Variants in PPP2R2C observed in about 807,000 individuals in gnomAD.
PPP2R2C encodes the protein protein phosphatase 2, regulatory subunit B, gamma.
A neutral mutation model predicts 45.3 loss-of-function variants in PPP2R2C; 10 were observed. That is an observed-to-expected ratio of 0.22 (90% CI 0.14 to 0.37). The LOEUF (loss-of-function observed/expected upper bound fraction) is 0.37, where lower values mean the gene tolerates loss of function less well. Among genes scored for constraint, PPP2R2C ranks in the 10% least tolerant of loss-of-function variants. The pLI is 1.00. For synonymous variants in PPP2R2C, 257 were observed against 245.4 expected, an observed-to-expected ratio of 1.05 and a Z score of -0.44; for missense variants, 308 against 619.7, an observed-to-expected ratio of 0.50 and a Z score of 5.34.
At chr4:6,421,988 T>C (rs1719008262) in intron 1 of PPP2R2C, among the ~76,000 whole-genome samples, 1 of 151,938 alleles carries the variant, frequency 6.6e-6, no homozygotes, top group Non-Finnish European at 1.5e-5. Context: ...CAAGAAGAGC[T>C]ACTCCCTGTT....
At chr4:6,445,363 T>G (rs1720366002) in intron 1 of PPP2R2C, among the ~76,000 whole-genome samples, 1 of 152,248 alleles carries the variant, frequency 6.6e-6, no homozygotes, top group Non-Finnish European at 1.5e-5. Context: ...ATGCATTTAA[T>G]TAATCCAACT....
chr4:6,370,158 C>A (rs575499285), intron 5 of PPP2R2C, among the ~76,000 whole-genome samples: 49 of 152,304 alleles, frequency 3.2e-4, no homozygotes, highest in African/African-American at 1.2e-3. Flanking sequence ...AGGCCGAGGC[C>A]AGGGCAAAAG....
chr4:6,548,257 G>A (rs1042103159), intron 1 of PPP2R2C, among the ~76,000 whole-genome samples: 11 of 151,838 alleles, frequency 7.2e-5, no homozygotes, highest in Non-Finnish European at 1.2e-4. Context: ...AAGTCATAAT[G>A]GGGCACAACC....
At chr4:6,531,785 C>T (rs1017249791) in intron 2 of PPP2R2C, among the ~76,000 whole-genome samples, 2 of 152,120 alleles carry the variant, frequency 1.3e-5, no homozygotes, top group East Asian at 1.9e-4. Context: ...ACTCAGTCCC[C>T]AGCATTCTCC....
intron 1 of PPP2R2C, among the ~76,000 whole-genome samples, chr4:6,465,301 C>G (rs1031201301): frequency 2.0e-5 from 3 of 152,126 alleles, no homozygotes; most frequent in Non-Finnish European, 2.9e-5. Flanking sequence ...TGTAGAGCAA[C>G]CTGGAAGTCA....
chr4:6,512,356 C>A (rs867138674), intron 2 of PPP2R2C, among the ~76,000 whole-genome samples: 1 of 2,088 alleles, frequency 4.8e-4, no homozygotes, highest in Admixed American at 7.0e-3. Context: ...GGTGATGGTG[C>A]TGATGGTGGT....
chr4:6,364,515 C>A lies in PPP2R2C; in HGVS notation c.625+8008G>T, dbSNP rs1560483110. On this transcript the variant is annotated intron_variant, in intron 5 of 8. Coordinates refer to ENST00000382599, the MANE Select transcript of PPP2R2C (RefSeq NM_020416.4). The surrounding 1 kb of genome is among the most constrained non-coding windows in gnomAD (Gnocchi z 5.3). ...TTTTCTCATGTTGTAGGAGAACAGA[C>A]TGTAAGGAGACACCTGGGGAAACAC... Among the ~76,000 whole-genome samples, 1 of 151,574 alleles carries A rather than the reference C, an allele frequency of 6.6e-6. No homozygotes were observed. The highest frequency in any genetic ancestry group is 1.5e-5 in the Non-Finnish European group (1 of 67,894).
chr4:6,544,963 T>C (rs1461531578), intron 1 of PPP2R2C, among the ~76,000 whole-genome samples: 1 of 152,246 alleles, frequency 6.6e-6, no homozygotes, highest in African/African-American at 2.4e-5. Context: ...AAATTTTTTT[T>C]TATAATTTCC....
rs1211344714 is a variant in PPP2R2C, at chr4:6,332,415, T to G, written c.960+1147A>C. ...TCGCAAGAACTCAAGTAAACACACG[T>G]GGCTGACAAACAGGCGGTCCCCATA... On this transcript the variant is annotated intron_variant, in intron 7 of 8. Transcript: ENST00000382599. The surrounding 1 kb of genome is among the most constrained non-coding windows in gnomAD (Gnocchi z 4.9). Among the ~76,000 whole-genome samples the G allele has an allele frequency of 6.6e-6, 1 of 152,108 alleles. No homozygotes were observed. Among genetic ancestry groups the G allele is most frequent in the Non-Finnish European group, 1.5e-5 (1 of 68,004 alleles).
chr4:6,442,839 C>T lies in PPP2R2C; in HGVS notation c.70+29321G>A, dbSNP rs112835543. Reference sequence around the variant, plus strand: ...TCTGACTCCAGAGTCCATGCTCATACCACAGCCCCAGCACCGAGCAGCTAG... The same window carrying T: ...TCTGACTCCAGAGTCCATGCTCATATCACAGCCCCAGCACCGAGCAGCTAG... On this transcript the variant is annotated intron_variant, in intron 1 of 8. Transcript: ENST00000382599. 4.4e-4 allele frequency among the ~76,000 whole-genome samples: 67 copies of T among 152,310 alleles called. 1 individual carries two copies. The highest frequency in any genetic ancestry group is 1.8e-3 in the Admixed American group (27 of 15,300).
intron 2 of PPP2R2C, among the ~76,000 whole-genome samples, chr4:6,522,873 T>G (rs1724071065): frequency 1.3e-5 from 2 of 152,238 alleles, no homozygotes; most frequent in Admixed American, 6.5e-5. Context: ...GACCATCCCC[T>G]GATACTCCTA....
At chr4:6,337,558 C>T (rs55817329) in intron 6 of PPP2R2C, among the ~76,000 whole-genome samples, 9,312 of 152,128 alleles carry the variant, frequency 0.061, 989 homozygotes, top group African/African-American at 0.21. Flanking sequence ...ACCCCCTCGC[C>T]TGCTCAGGGG....
intron 1 of PPP2R2C, among the ~76,000 whole-genome samples, chr4:6,395,502 G>A (rs191861736): frequency 9.2e-5 from 14 of 152,306 alleles, no homozygotes; most frequent in East Asian, 3.9e-4. Context: ...GAGAGGCTCC[G>A]TGTCTCGGTC....
chr4:6,465,863 A>C (rs1721566042), intron 1 of PPP2R2C, among the ~76,000 whole-genome samples: 1 of 152,230 alleles, frequency 6.6e-6, no homozygotes, highest in East Asian at 1.9e-4. Flanking sequence ...ATATGTGTAC[A>C]TTCTTCCAAC....
At chr4:6,508,029 C>G (rs1427748747) in intron 2 of PPP2R2C, among the ~76,000 whole-genome samples, 21 of 152,190 alleles carry the variant, frequency 1.4e-4, no homozygotes, top group Admixed American at 1.4e-3. Flanking sequence ...GTCTCAGGTA[C>G]TCAGGAGGAT....
chr4:6,558,871 T>A (rs1322979117), intron 1 of PPP2R2C, among the ~76,000 whole-genome samples: 3 of 152,126 alleles, frequency 2.0e-5, no homozygotes, highest in African/African-American at 4.8e-5. Context: ...TGAGTCTCCA[T>A]CACAGCCCCC....
At chr4:6,488,146 G>T (rs1312585839) in intron 2 of PPP2R2C, among the ~76,000 whole-genome samples, 1 of 152,142 alleles carries the variant, frequency 6.6e-6, no homozygotes, top group Non-Finnish European at 1.5e-5. Flanking sequence ...TACAGAACAT[G>T]ATTATAATAA....
chr4:6,535,161 G>C (rs1724563862), intron 2 of PPP2R2C: 3 of 1,251,518 alleles, frequency 2.4e-6, no homozygotes, highest in Non-Finnish European at 3.3e-6. Flanking sequence ...CAGCACGGTG[G>C]GGTCGGCTTC....
chr4:6,351,955 C>T (rs2109236949), intron 5 of PPP2R2C, among the ~76,000 whole-genome samples: 1 of 152,282 alleles, frequency 6.6e-6, no homozygotes, highest in Non-Finnish European at 1.5e-5. Context: ...AGTGGGGTGG[C>T]CCCTGTTGGT....
Sources: allele counts gnomAD v4.1 joint callset (sites outside exome capture counted in the v4.1 genomes callset), GRCh38; gene constraint gnomAD v4.1.1; non-coding constraint Gnocchi (gnomAD v3.1); transcripts MANE v1.5; gene names NCBI Gene and HGNC (gene_info 2026-07-23, HGNC 2026-07-21).